The following NDUFS1 variants were observed in gnomAD, a reference collection of about 807,000 sequenced individuals.
NDUFS1 encodes NADH:ubiquinone oxidoreductase core subunit S1.
In NDUFS1, 61 loss-of-function variants were observed where a neutral mutation model predicts 84.4. The ratio of observed to expected loss-of-function variants is 0.72; its 90% CI spans 0.59 to 0.89. The LOEUF (loss-of-function observed/expected upper bound fraction) is 0.89, where lower values mean the gene tolerates loss of function less well. Ranked by LOEUF, NDUFS1 falls within the 40% of genes least tolerant of loss-of-function variation. The probability of loss-of-function intolerance (pLI) is 0.00; values close to 1 mark genes in which losing one functional copy is unlikely to be tolerated. For missense variants in NDUFS1, 891 were observed against 890.0 expected, an observed-to-expected ratio of 1.00 and a Z score of -0.01; for synonymous variants, 275 against 290.0, an observed-to-expected ratio of 0.95 and a Z score of 0.53.
At chr2:206,128,554 G>T (rs545392975) in intron 15 of NDUFS1, among the ~76,000 whole-genome samples, 2 of 151,918 alleles carry the variant, frequency 1.3e-5, no homozygotes, top group Admixed American at 1.3e-4. Flanking sequence ...AAGGTGGACA[G>T]ATGACTTGAG....
Position 206,117,437 on chromosome 2 carries a change from TTTTG to T in NDUFS1, c.*6744_*6747del, listed in dbSNP as rs1369934164. 2 of 152,190 alleles carry T rather than the reference TTTTG, an allele frequency of 1.3e-5. No individual in the cohort carries two copies. The highest frequency in any genetic ancestry group is 2.9e-5 in the Non-Finnish European group (2 of 68,030). The allele number at this position is 152,190 out of a possible 1,614,324, so 9.4% of individuals were successfully genotyped here. On this transcript the variant is annotated 3_prime_UTR_variant, in exon 19 of 19. Coordinates refer to ENST00000233190, the MANE Select transcript of NDUFS1 (RefSeq NM_005006.7). ...ACACAGTAGATACTCTGCAAAAAAA[TTTTG>T]TTTTTCTTTTTGAGATGGGGTCTCG...
intron 13 of NDUFS1, among the ~76,000 whole-genome samples, chr2:206,136,315 G>C (rs1286860758): frequency 1.3e-5 from 2 of 150,714 alleles, no homozygotes; most frequent in Non-Finnish European, 3.0e-5. Context: ...GCCTCCCAAA[G>C]TACTGGAATT....
intron 3 of NDUFS1, among the ~76,000 whole-genome samples, chr2:206,151,788 G>T (rs1013709141): frequency 1.3e-5 from 2 of 152,120 alleles, no homozygotes; most frequent in African/African-American, 4.8e-5. Context: ...AAAATGAAAA[G>T]CATTAAGCAG....
intron 12 of NDUFS1, 112 bp downstream of exon 12, chr2:206,141,829 A>T: frequency 2.3e-6 from 2 of 886,630 alleles, no homozygotes; most frequent in Non-Finnish European, 3.4e-6. Flanking sequence ...TCTTCCAGTT[A>T]TCTTTTGGAG....
Position 206,130,253 on chromosome 2 carries a change from A to G in NDUFS1, c.1554-11T>C, listed in dbSNP as rs1691458531. 6.2e-7 allele frequency: 1 copy of G among 1,613,980 alleles called. No individual in the cohort carries two copies. ...ACTTGACTTGCAATCCTGCAAAGCA[A>G]TTATGGAATTTTACCATAACTGCAG... On this transcript the variant is annotated splice_polypyrimidine_tract_variant and intron_variant, in intron 14 of 18. Transcript: ENST00000233190.
chr2:206,137,763 A>G (rs1472248755), intron 13 of NDUFS1, among the ~76,000 whole-genome samples: 3 of 152,194 alleles, frequency 2.0e-5, no homozygotes, highest in Admixed American at 2.0e-4. Flanking sequence ...CAAATGAAAA[A>G]AACATGTACC....
intron 18 of NDUFS1, among the ~76,000 whole-genome samples, chr2:206,124,559 G>C (rs780644548): frequency 5.3e-5 from 8 of 152,122 alleles, no homozygotes; most frequent in Non-Finnish European, 1.0e-4. Context: ...CATAGGAAAG[G>C]CCAGGCGCGG....
At chr2:206,131,495 A>G (rs1447458327) in intron 14 of NDUFS1, among the ~76,000 whole-genome samples, 1 of 152,170 alleles carries the variant, frequency 6.6e-6, no homozygotes, top group Non-Finnish European at 1.5e-5. Flanking sequence ...AATTTCACCT[A>G]TGTAACTAAA....
chr2:206,150,021 ACTT>A lies in NDUFS1; in HGVS notation c.154-99_154-97del, dbSNP rs1692311438. 6.6e-5 allele frequency: 44 copies of A among 669,394 alleles called. 1 individual carries two copies. The highest frequency in any genetic ancestry group is 5.8e-4 in the South Asian group (36 of 62,256). The allele number at this position is 669,394 out of a possible 1,614,324, so 41.5% of individuals were successfully genotyped here. A position where few individuals can be genotyped will look rare whatever the true frequency, so the allele number is the denominator to read the frequency against. On this transcript the variant is annotated intron_variant, in intron 3 of 18. Transcript: ENST00000233190. ...AAACACACACATACAGCATCTTATT[ACTT>A]CTATCTATCTATCTATCTATCTATC... is the stretch of plus-strand genomic sequence containing the variant.
chr2:206,153,386 G>A (rs1692449745), intron 2 of NDUFS1, among the ~76,000 whole-genome samples: 1 of 151,728 alleles, frequency 6.6e-6, no homozygotes, highest in Non-Finnish European at 1.5e-5. Context: ...AGTAGTGATG[G>A]GGTTTCACTA....
intron 16 of NDUFS1, among the ~76,000 whole-genome samples, chr2:206,127,083 T>C (rs1691322490): frequency 6.6e-6 from 1 of 152,228 alleles, no homozygotes; most frequent in South Asian, 2.1e-4. Flanking sequence ...GACAATACTA[T>C]GCTAAATCCA....
chr2:206,149,122 T>C, intron 4 of NDUFS1, 26 bp from the exon 5 acceptor site: 1 of 1,466,956 alleles, frequency 6.8e-7, no homozygotes, highest in Non-Finnish European at 9.5e-7. Flanking sequence ...AAAAAAAAAA[T>C]GTGTATTTGT....
At chr2:206,131,146 C>T (rs569193533) in intron 14 of NDUFS1, among the ~76,000 whole-genome samples, 6 of 152,188 alleles carry the variant, frequency 3.9e-5, no homozygotes, top group African/African-American at 7.2e-5. Flanking sequence ...TTCTGAGGAC[C>T]TAAAACAAGT....
chr2:206,143,955 C>CTAA, intron 10 of NDUFS1, 63 bp downstream of exon 10: 1 of 1,368,328 alleles, frequency 7.3e-7, no homozygotes, highest in South Asian at 1.2e-5. Context: ...TCCCCCCCTT[C>CTAA]ATGGCAAAGA....
rs1691148105 is a variant in NDUFS1 at position 206,122,999 on chromosome 2, T to C, written c.*1186A>G. The C allele has an allele frequency of 6.6e-6, 1 of 152,114 alleles. No homozygotes were observed. Among genetic ancestry groups the C allele is most frequent in the East Asian group, 1.9e-4 (1 of 5,192 alleles). The allele number at this position is 152,114 out of a possible 1,614,324, so 9.4% of individuals were successfully genotyped here. On this transcript the variant is annotated 3_prime_UTR_variant, in exon 19 of 19. Coordinates refer to ENST00000233190, the MANE Select transcript of NDUFS1 (RefSeq NM_005006.7). The stretch of plus-strand genomic sequence containing the variant: ...GATCCACCCACCTTGGCCCCCCAAG[T>C]GTTGGGATTACAGGTGTAAGCCACC...
chr2:206,134,101 C>A lies in NDUFS1; in HGVS notation c.1393-996G>T, dbSNP rs1691616756. ...TCAAAGAATCAGCATGGAAATTATGCTGATATATTATAAAGAGGAATACAT... is the reference window on the plus strand; with the variant it reads ...TCAAAGAATCAGCATGGAAATTATGATGATATATTATAAAGAGGAATACAT... On this transcript the variant is annotated intron_variant, in intron 13 of 18. Coordinates refer to ENST00000233190, the MANE Select transcript of NDUFS1 (RefSeq NM_005006.7). Among the ~76,000 whole-genome samples the A allele has an allele frequency of 5.9e-5, 9 of 152,220 alleles. No individual in the cohort carries two copies. The South Asian group carries it at 1.9e-3, about 32-fold the overall frequency.
intron 18 of NDUFS1, among the ~76,000 whole-genome samples, chr2:206,125,537 TTAATA>T (rs781080802): frequency 9.3e-5 from 14 of 151,074 alleles, no homozygotes; most frequent in Non-Finnish European, 1.9e-4. Flanking sequence ...CAATAGTTAA[TTAATA>T]TAATATATAT....
intron 12 of NDUFS1, among the ~76,000 whole-genome samples, chr2:206,138,821 G>GA (rs1412185595): frequency 1.3e-5 from 2 of 152,178 alleles, no homozygotes; most frequent in African/African-American, 4.8e-5. Context: ...TTGCTGTGTA[G>GA]AAATGCTATC....
Position 206,147,631 on chromosome 2 carries a change from T to C in NDUFS1, c.451A>G (p.Ser151Gly), listed in dbSNP as rs1459177509. ...GCACGCTTCCCCTCTAAAAATCGGC[T>C]CCTATCATTTCCAAACATCATGGAC... ...DQSMMFGNDR[S>G]RFLEGKRAVE... Residue 151 changes from serine (S) to glycine (G), a missense_variant, in exon 7 of 19, where the codon AGC becomes GGC. Ser to Gly is a moderately conservative substitution (Grantham distance 56). Coordinates refer to ENST00000233190, the MANE Select transcript of NDUFS1 (RefSeq NM_005006.7). 9.3e-6 allele frequency: 15 copies of C among 1,614,048 alleles called. No individual in the cohort carries two copies. The highest frequency in any genetic ancestry group is 1.2e-5 in the Non-Finnish European group (14 of 1,180,032).
Sources: allele counts gnomAD v4.1 joint callset (sites outside exome capture counted in the v4.1 genomes callset), GRCh38; gene constraint gnomAD v4.1.1; transcripts MANE v1.5; gene names NCBI Gene and HGNC (gene_info 2026-07-23, HGNC 2026-07-21).